TTF2: variants seen among roughly 807,000 people sequenced by gnomAD.
TTF2 encodes the protein transcription termination factor 2.
In TTF2, 108 loss-of-function variants were observed where a neutral mutation model predicts 142.4. The ratio of observed to expected loss-of-function variants is 0.76; its 90% CI spans 0.65 to 0.89. The LOEUF (loss-of-function observed/expected upper bound fraction) is 0.89, where lower values mean the gene tolerates loss of function less well. Ranked by LOEUF, TTF2 falls within the 40% of genes least tolerant of loss-of-function variation. The pLI is 0.00. For synonymous variants in TTF2, 483 were observed against 506.2 expected (o/e 0.95, Z 0.61); for missense variants, 1,327 against 1,379.8 (o/e 0.96, Z 0.61).
chr1:117,088,750 A>T (rs1386414578), intron 12 of TTF2, 51 bp from the exon 13 acceptor site: 2 of 1,588,814 alleles, frequency 1.3e-6, no homozygotes, highest in Admixed American at 1.8e-5. Flanking sequence ...GTCCTTAAGG[A>T]CATGTACATT....
rs1656729227 is a variant in TTF2 at position 117,073,146 on chromosome 1, C to T, written c.219-515C>T. Among the ~76,000 whole-genome samples the T allele has an allele frequency of 6.6e-6, 1 of 152,162 alleles. No homozygotes were observed. The highest frequency in any genetic ancestry group is 1.5e-5 in the Non-Finnish European group (1 of 68,032). ...TTTGTCCTATAGCGTTTCCCACTGC[C>T]AAGATTTTGAAGGTTATATTCTCCA... On this transcript the variant is annotated intron_variant, in intron 3 of 22. Coordinates refer to ENST00000369466, the MANE Select transcript of TTF2 (RefSeq NM_003594.4). This position sits in a 1 kb window ranked among gnomAD's most constrained non-coding sequence, Gnocchi z 4.4.
chr1:117,088,165 T>C (rs1039331682), intron 12 of TTF2, among the ~76,000 whole-genome samples: 11 of 152,204 alleles, frequency 7.2e-5, no homozygotes, highest in African/African-American at 2.4e-4. Flanking sequence ...AAATGTTTTA[T>C]TGAGTGAGTG....
rs6697868 is a variant in TTF2, at chr1:117,085,344, A to G, written c.2055-1073A>G. On this transcript the variant is annotated intron_variant, in intron 11 of 22. Coordinates refer to ENST00000369466, the MANE Select transcript of TTF2 (RefSeq NM_003594.4). The surrounding 1 kb of genome is among the most constrained non-coding windows in gnomAD (Gnocchi z 4.7). ...CGAGGCAGGCAGATCACTTGAGCTC[A>G]GGAGTTCGAGACCAGCCTAGGCAAC... 0.053 allele frequency among the ~76,000 whole-genome samples: 8,123 copies of G among 152,266 alleles called. 323 individuals carry two copies. Among genetic ancestry groups the G allele is most frequent in the African/African-American group, 0.1 (4,349 of 41,532 alleles).
At chr1:117,067,022 T>G (rs1470605935) in intron 3 of TTF2, among the ~76,000 whole-genome samples, 1 of 152,164 alleles carries the variant, frequency 6.6e-6, no homozygotes, top group Non-Finnish European at 1.5e-5. Flanking sequence ...CTTATTTTCA[T>G]GTGAAACCAG....
rs1234631635 is a variant in TTF2, at chr1:117,076,164, G to C, written c.1276-16G>C. 2.5e-6 allele frequency: 4 copies of C among 1,607,688 alleles called. No individual in the cohort carries two copies. In the East Asian group the frequency reaches 8.9e-5, roughly 36 times the overall value. On this transcript the variant is annotated splice_polypyrimidine_tract_variant and intron_variant, in intron 5 of 22. Transcript: ENST00000369466. The surrounding 1 kb of genome is among the most constrained non-coding windows in gnomAD (Gnocchi z 4.6). The stretch of plus-strand genomic sequence containing the variant: ...GTGTGAGAGGAGAGATCCATTTGAT[G>C]GAATCTGTTTTTCAGAGCACACTGG...
intron 10 of TTF2, among the ~76,000 whole-genome samples, chr1:117,083,091 A>C (rs1647673477): frequency 6.6e-6 from 1 of 151,850 alleles, no homozygotes; most frequent in Non-Finnish European, 1.5e-5. Context: ...AAATACAAAA[A>C]ATTAGCCAAG....
chr1:117,065,394 C>T (rs550273731), intron 3 of TTF2, among the ~76,000 whole-genome samples: 1 of 152,090 alleles, frequency 6.6e-6, no homozygotes, highest in African/African-American at 2.4e-5. Context: ...GTCAGGAGAT[C>T]GAGACCATCA....
chr1:117,062,508 C>CTTT, intron 3 of TTF2, 35 bp downstream of exon 3: 102 of 1,289,656 alleles, frequency 7.9e-5, no homozygotes, highest in East Asian at 1.3e-4. Context: ...AGTGTATTTG[C>CTTT]TTTTTTTTTT....
At chr1:117,096,101 CTG>C (rs766179660) in intron 19 of TTF2, 46 bp from the exon 20 acceptor site, 1 of 1,602,008 alleles carries the variant, frequency 6.2e-7, no homozygotes, top group East Asian at 2.2e-5. Flanking sequence ...GCAGATGAGT[CTG>C]TTTAATCTAT....
intron 10 of TTF2, among the ~76,000 whole-genome samples, chr1:117,082,236 CAG>C (rs5777297): frequency 0.49 from 74,449 of 151,750 alleles, 20,740 homozygotes; most frequent in East Asian, 0.74. Context: ...TTTTTTGAGA[CAG>C]GGTCTCGCTC....
Position 117,090,714 on chromosome 1 carries a change from T to G in TTF2, c.2588+91T>G, listed in dbSNP as rs1426198191. Reference sequence around the variant, plus strand: ...GTTGAAGGTCAAATTTCCACAAACTTTATGGCATTATTGATTAGTTGGATG... The same window carrying G: ...GTTGAAGGTCAAATTTCCACAAACTGTATGGCATTATTGATTAGTTGGATG... On this transcript the variant is annotated intron_variant, in intron 15 of 22. Coordinates refer to ENST00000369466, the MANE Select transcript of TTF2 (RefSeq NM_003594.4). The surrounding 1 kb of genome is among the most constrained non-coding windows in gnomAD (Gnocchi z 4.8). The G allele has an allele frequency of 9.3e-7, 1 of 1,075,218 alleles. No individual in the cohort carries two copies. Among genetic ancestry groups the G allele is most frequent in the Non-Finnish European group, 1.4e-6 (1 of 726,124 alleles). The allele number at this position is 1,075,218 out of a possible 1,614,324, so 66.6% of individuals were successfully genotyped here.
At chr1:117,071,192 A>G (rs1451513798) in intron 3 of TTF2, among the ~76,000 whole-genome samples, 1 of 152,168 alleles carries the variant, frequency 6.6e-6, no homozygotes, top group Non-Finnish European at 1.5e-5. Context: ...ATGAAATGAC[A>G]TATGCACAGT....
Position 117,092,557 on chromosome 1 carries a change from G to T in TTF2, c.2806-174G>T, listed in dbSNP as rs1220315118. ...TTCCATCATTTGGTTTATCTTTAATGTGGTGAAAAAACTTGCAAGATCACA... is the reference window on the plus strand; with the variant it reads ...TTCCATCATTTGGTTTATCTTTAATTTGGTGAAAAAACTTGCAAGATCACA... On this transcript the variant is annotated intron_variant, in intron 17 of 22. Transcript: ENST00000369466. This position sits in a 1 kb window ranked among gnomAD's most constrained non-coding sequence, Gnocchi z 4.4. 6.6e-6 allele frequency among the ~76,000 whole-genome samples: 1 copy of T among 152,230 alleles called. No homozygotes were observed. Among genetic ancestry groups the T allele is most frequent in the Non-Finnish European group, 1.5e-5 (1 of 68,036 alleles).
intron 10 of TTF2, among the ~76,000 whole-genome samples, chr1:117,083,541 A>G: frequency 6.6e-6 from 1 of 152,208 alleles, no homozygotes; most frequent in East Asian, 1.9e-4. Context: ...AATCAACTCA[A>G]GAGGAGTTAG....
At chr1:117,089,011 A>G in intron 13 of TTF2, 29 bp downstream of exon 13, 4 of 1,576,442 alleles carry the variant, frequency 2.5e-6, no homozygotes, top group Non-Finnish European at 3.4e-6. Context: ...TTGTGTAAAT[A>G]TGAACCCTGT....
chr1:117,077,801 T>G, intron 7 of TTF2, 115 bp from the exon 8 acceptor site: 3 of 1,363,908 alleles, frequency 2.2e-6, no homozygotes, highest in Non-Finnish European at 3.0e-6. Context: ...TTGAGGAGAG[T>G]AGTTAACAAG....
Position 117,091,341 on chromosome 1 carries a change from T to G in TTF2, c.2602T>G (p.Ser868Ala). 1 of 1,613,072 alleles carries G rather than the reference T, an allele frequency of 6.2e-7. No individual in the cohort carries two copies. The highest frequency in any genetic ancestry group is 1.3e-5 in the African/African-American group (1 of 75,018). The part of the protein sequence containing the change: ...FFARSRSALQ[S>A]YLKRHESRGN... Reference sequence around the variant, plus strand: ...AATCTGAGGCAGGTCAGCTCTGCAATCCTATCTAAAAAGACATGAAAGTAG... The same window carrying G: ...AATCTGAGGCAGGTCAGCTCTGCAAGCCTATCTAAAAAGACATGAAAGTAG... Residue 868 changes from serine (S) to alanine (A), a missense_variant, in exon 16 of 23, where the codon TCC becomes GCC. Physicochemically the swap from Ser to Ala is moderately conservative, Grantham distance 99 (BLOSUM62 1). Transcript: ENST00000369466.
intron 3 of TTF2, among the ~76,000 whole-genome samples, chr1:117,065,789 C>A (rs1011825044): frequency 7.3e-6 from 1 of 137,636 alleles, no homozygotes; most frequent in Non-Finnish European, 1.6e-5. Flanking sequence ...AAGTTATATT[C>A]TACTGATACT....
chr1:117,062,508 C>CT (rs35553508), intron 3 of TTF2, 35 bp downstream of exon 3: 205,226 of 1,207,272 alleles, frequency 0.17, 9 homozygotes, highest in Non-Finnish European at 0.18. Context: ...AGTGTATTTG[C>CT]TTTTTTTTTT....
Sources: allele counts gnomAD v4.1 joint callset (sites outside exome capture counted in the v4.1 genomes callset), GRCh38; gene constraint gnomAD v4.1.1; non-coding constraint Gnocchi (gnomAD v3.1); transcripts MANE v1.5; gene names NCBI Gene and HGNC (gene_info 2026-07-23, HGNC 2026-07-21).